The following FBXO21 variants were observed in gnomAD, a reference collection of about 807,000 sequenced individuals.
FBXO21 encodes F-box protein 21, also known as F-box only protein 21.
A neutral mutation model predicts 76.6 loss-of-function variants in FBXO21; 32 were observed. The observed-to-expected ratio is 0.42, with a 90% CI of 0.32 to 0.56. The LOEUF (loss-of-function observed/expected upper bound fraction) is 0.56. Among genes scored for constraint, FBXO21 ranks in the 20% least tolerant of loss-of-function variants. FBXO21 has a pLI of 0.16. For synonymous variants in FBXO21, 328 were observed against 311.5 expected (o/e 1.05, Z -0.56); for missense variants, 586 against 797.3 (o/e 0.73, Z 3.19).
intron 9 of FBXO21, among the ~76,000 whole-genome samples, chr12:117,163,405 T>C (rs1377545702): frequency 6.6e-6 from 1 of 151,698 alleles, no homozygotes; most frequent in Non-Finnish European, 1.5e-5. Flanking sequence ...TGGTGGCACG[T>C]GTCTGTAATC....
At chr12:117,173,234 T>C (rs1956136010) in intron 6 of FBXO21, among the ~76,000 whole-genome samples, 1 of 152,178 alleles carries the variant, frequency 6.6e-6, no homozygotes, top group African/African-American at 2.4e-5. Flanking sequence ...TTTCGCCATG[T>C]TGGCCAGGCT....
intron 4 of FBXO21, 125 bp downstream of exon 4, chr12:117,177,395 C>A: frequency 1.1e-6 from 1 of 900,374 alleles, no homozygotes. Context: ...CTGCAGAAGC[C>A]CACGCAACAT....
intron 9 of FBXO21, among the ~76,000 whole-genome samples, chr12:117,160,941 C>T (rs1395520213): frequency 6.6e-6 from 1 of 152,190 alleles, no homozygotes; most frequent in Non-Finnish European, 1.5e-5. Context: ...GCAGTTATTT[C>T]TTAATTATTC....
chr12:117,183,547 C>T (rs1357623151), intron 3 of FBXO21, among the ~76,000 whole-genome samples: 1 of 152,258 alleles, frequency 6.6e-6, no homozygotes, highest in Non-Finnish European at 1.5e-5. Flanking sequence ...GCGTGAGCCA[C>T]TGCACCCGGC....
Position 117,142,978 on chromosome 12 carries a change from T to C in FBXO21, c.*3109A>G, listed in dbSNP as rs918926909. 1 of 152,182 alleles carries C rather than the reference T, an allele frequency of 6.6e-6. No individual in the cohort carries two copies. Among genetic ancestry groups the C allele is most frequent in the African/African-American group, 2.4e-5 (1 of 41,438 alleles). The allele number at this position is 152,182 out of a possible 1,614,324, so 9.4% of individuals were successfully genotyped here. On this transcript the variant is annotated 3_prime_UTR_variant, in exon 12 of 12. Transcript: ENST00000622495. The stretch of plus-strand genomic sequence containing the variant: ...CAGTACTTAATGCTGGTTTTCTCAA[T>C]AAAATCATTTTGCTGTGTAAACGCG...
At chr12:117,161,982 TCCTTGGCAAGAACAGTG>T (rs1421032290) in intron 9 of FBXO21, among the ~76,000 whole-genome samples, 4 of 152,206 alleles carry the variant, frequency 2.6e-5, no homozygotes, top group Admixed American at 6.5e-5. Context: ...GTCACTGGCT[TCCTTGGCAAGAACAGTG>T]CCTATGGAGG....
At position 117,189,234 on chromosome 12, in the gene FBXO21, G is replaced by T. The variant is rs1956320153; in HGVS notation, c.368C>A (p.Ser123Ter). 1 of 1,614,168 alleles carries T rather than the reference G, an allele frequency of 6.2e-7. No homozygotes were observed. Among genetic ancestry groups the T allele is most frequent in the Non-Finnish European group, 8.5e-7 (1 of 1,180,030 alleles). Reference sequence around the variant, plus strand: ...ACATCAACAGATCCTTACGTGCTCTGAAAAGAACCTCTTTGAGAACGAGGC... The same window carrying T: ...ACATCAACAGATCCTTACGTGCTCTTAAAAGAACCTCTTTGAGAACGAGGC... ...IVASFSKRFF[S>*]EHVPCNGFSD... Residue 123 changes from serine (S) to a stop codon, truncating the protein, a stop_gained, in exon 2 of 12, where the codon TCA becomes TAA. Transcript: ENST00000622495. LOFTEE classifies it high-confidence loss of function.
Position 117,157,992 on chromosome 12 carries a change from C to T in FBXO21, c.1398G>A (p.Gln466=). The change falls in exon 10 of 12, where the codon CAG becomes CAA. Residue 466 remains glutamine, a synonymous_variant. Coordinates refer to ENST00000622495, the MANE Select transcript of FBXO21 (RefSeq NM_015002.3). ...TGCGCTCAATGTGCTCTAGAGTGTG[C>T]TGCACCAGGTAGCCCACCGCCCCGT... ...GQHGAVGYLV[Q]HTLEHIERKK... is the part of the protein sequence containing the mutation. 6.2e-7 allele frequency: 1 copy of T among 1,614,230 alleles called. No homozygotes were observed. Among genetic ancestry groups the T allele is most frequent in the Non-Finnish European group, 8.5e-7 (1 of 1,180,042 alleles).
At chr12:117,186,017 T>C (rs1956279837) in intron 3 of FBXO21, among the ~76,000 whole-genome samples, 1 of 151,864 alleles carries the variant, frequency 6.6e-6, no homozygotes, top group African/African-American at 2.4e-5. Flanking sequence ...GGATTACAGG[T>C]GTGTACCACC....
chr12:117,188,519 G>A (rs538233879), intron 2 of FBXO21, among the ~76,000 whole-genome samples: 1 of 151,816 alleles, frequency 6.6e-6, no homozygotes, highest in East Asian at 1.9e-4. Context: ...CACTCCAGCC[G>A]GGGAGACAAA....
intron 11 of FBXO21, among the ~76,000 whole-genome samples, chr12:117,147,611 A>T (rs1955790410): frequency 6.6e-6 from 1 of 151,846 alleles, no homozygotes. Flanking sequence ...AAAAAAAAAA[A>T]AAAAAAAGAG....
chr12:117,184,495 CATA>C (rs775409203), intron 3 of FBXO21, among the ~76,000 whole-genome samples: 12 of 152,140 alleles, frequency 7.9e-5, no homozygotes, highest in Admixed American at 4.6e-4. Context: ...GGCTCACGCC[CATA>C]ATCTCAGCAC....
intron 2 of FBXO21, among the ~76,000 whole-genome samples, chr12:117,186,815 C>CA (rs1411334993): frequency 3.0e-4 from 45 of 152,298 alleles, no homozygotes; most frequent in African/African-American, 1.1e-3. Flanking sequence ...ACTGACAACT[C>CA]ACAGTTCTAA....
At position 117,142,111 on chromosome 12, in the gene FBXO21, ACTTTC is replaced by A. The variant is rs5801215; in HGVS notation, c.*3971_*3975del. The A allele has an allele frequency of 0.18, 27,077 of 152,056 alleles. 3,060 individuals are homozygous for A. Among genetic ancestry groups the A allele is most frequent in the Admixed American group, 0.33 (5,103 of 15,248 alleles). The allele number at this position is 152,056 out of a possible 1,614,324, so 9.4% of individuals were successfully genotyped here. A position where few individuals can be genotyped will look rare whatever the true frequency, so the allele number is the denominator to read the frequency against. ...TTTATTCACCGGAGGGACGTCCTTTACTTTCAAGATTCTAAATTTTTCAGAAATGC... is the reference window on the plus strand; with the variant it reads ...TTTATTCACCGGAGGGACGTCCTTTAAAGATTCTAAATTTTTCAGAAATGC... On this transcript the variant is annotated 3_prime_UTR_variant, in exon 12 of 12. Coordinates refer to ENST00000622495, the MANE Select transcript of FBXO21 (RefSeq NM_015002.3).
At chr12:117,177,091 C>G (rs1164367487) in intron 4 of FBXO21, among the ~76,000 whole-genome samples, 1 of 152,194 alleles carries the variant, frequency 6.6e-6, no homozygotes, top group Non-Finnish European at 1.5e-5. Context: ...TACGGACAAG[C>G]AGACTCACTG....
intron 3 of FBXO21, among the ~76,000 whole-genome samples, chr12:117,182,321 C>T (rs1049815654): frequency 1.3e-4 from 20 of 152,158 alleles, no homozygotes; most frequent in Non-Finnish European, 2.9e-4. Flanking sequence ...TAGTGAGACA[C>T]TGTCTCTACC....
chr12:117,188,217 C>G (rs1488701749), intron 2 of FBXO21, among the ~76,000 whole-genome samples: 1 of 152,074 alleles, frequency 6.6e-6, no homozygotes, highest in Non-Finnish European at 1.5e-5. Context: ...GATTATTTTC[C>G]AGAGTTACAA....
At position 117,177,433 on chromosome 12, in the gene FBXO21, AG is replaced by A. The variant is rs1197025848; in HGVS notation, c.592+86del. ...TTTGCTTTTTCACTTCTTTACCACA[AG>A]GAACACAATTCCCTCTGCTGGTCTT... On this transcript the variant is annotated intron_variant, in intron 4 of 11. Coordinates refer to ENST00000622495, the MANE Select transcript of FBXO21 (RefSeq NM_015002.3). 5.8e-6 allele frequency: 8 copies of A among 1,387,784 alleles called. No individual in the cohort carries two copies. In the African/African-American group the frequency reaches 1.0e-4, roughly 18 times the overall value. The allele number at this position is 1,387,784 out of a possible 1,614,324, so 86.0% of individuals were successfully genotyped here. A position where few individuals can be genotyped will look rare whatever the true frequency, so the allele number is the denominator to read the frequency against.
rs754279090 is a variant in FBXO21, at chr12:117,167,055, A to G, written c.1036T>C (p.Tyr346His). 1.2e-6 allele frequency: 2 copies of G among 1,614,102 alleles called. No individual in the cohort carries two copies. Among genetic ancestry groups the G allele is most frequent in the South Asian group, 2.2e-5 (2 of 91,078 alleles). The change falls in exon 8 of 12, where the codon TAC becomes CAC. Residue 346 changes from tyrosine (Y) to histidine (H), a missense_variant. Tyr to His is a moderately conservative substitution (Grantham distance 83). This residue lies in a region of FBXO21 where 246 missense variants were observed against 356.8 expected (regional missense o/e 0.69). Transcript: ENST00000622495. ...AEGATLDIFD[Y>H]IYIDAFGKGK... Reference sequence around the variant, plus strand: ...TTCCCAAAAGCATCTATGTAGATGTAGTCAAAGATGTCCAGGGTCGCCCTA... The same window carrying G: ...TTCCCAAAAGCATCTATGTAGATGTGGTCAAAGATGTCCAGGGTCGCCCTA...
Sources: allele counts gnomAD v4.1 joint callset (sites outside exome capture counted in the v4.1 genomes callset), GRCh38; gene constraint gnomAD v4.1.1; regional missense constraint gnomAD v4.1.1; transcripts MANE v1.5; gene names NCBI Gene and HGNC (gene_info 2026-07-23, HGNC 2026-07-21).